The following CLDN10 variants were observed in gnomAD, a reference collection of about 807,000 sequenced individuals.
The protein encoded by CLDN10 is claudin 10.
A neutral mutation model predicts 22.9 loss-of-function variants in CLDN10; 15 were observed. The ratio of observed to expected loss-of-function variants is 0.65; its 90% confidence interval spans 0.44 to 1.01. The LOEUF is 1.01. Ranked by LOEUF, CLDN10 falls within the 50% of genes least tolerant of loss-of-function variation. The pLI, the probability that CLDN10 is intolerant of heterozygous loss-of-function variation, is 0.00. For missense variants in CLDN10, 247 were observed against 287.8 expected (o/e 0.86, Z 1.03); for synonymous variants, 114 against 111.4 (o/e 1.02, Z -0.15).
intron 1 of CLDN10, among the ~76,000 whole-genome samples, chr13:95,543,714 C>T (rs1411020816): frequency 6.6e-6 from 1 of 151,886 alleles, no homozygotes; most frequent in Non-Finnish European, 1.5e-5. Flanking sequence ...TTTCTATTAG[C>T]TCATATTTTC....
chr13:95,537,159 CCT>C (rs2043408933), intron 1 of CLDN10, among the ~76,000 whole-genome samples: 1 of 152,134 alleles, frequency 6.6e-6, no homozygotes, highest in Non-Finnish European at 1.5e-5. Context: ...GAAAAGAAAA[CCT>C]CTCTGTTTAC....
intron 1 of CLDN10, among the ~76,000 whole-genome samples, chr13:95,487,453 C>G (rs1053261641): frequency 6.6e-6 from 1 of 152,198 alleles, no homozygotes; most frequent in African/African-American, 2.4e-5. Flanking sequence ...CTCTGCACTT[C>G]TCTTAGTTTA....
chr13:95,449,387 A>G (rs138624962), intron 1 of CLDN10, among the ~76,000 whole-genome samples: 12,482 of 150,302 alleles, frequency 0.083, 751 homozygotes, highest in South Asian at 0.23. Context: ...GAGTAGCTGG[A>G]ATTACAGGCA....
At chr13:95,557,558 T>C (rs1229693556) in intron 1 of CLDN10, among the ~76,000 whole-genome samples, 1 of 152,172 alleles carries the variant, frequency 6.6e-6, no homozygotes, top group Non-Finnish European at 1.5e-5. Flanking sequence ...TGATCGTCCT[T>C]GTAAATTGCC....
intron 1 of CLDN10, among the ~76,000 whole-genome samples, chr13:95,546,894 C>T (rs2043515040): frequency 6.6e-6 from 1 of 152,144 alleles, no homozygotes; most frequent in Non-Finnish European, 1.5e-5. Context: ...TTGCCCCTTG[C>T]TTTTCTCTTT....
chr13:95,477,892 C>T (rs2042701072), intron 1 of CLDN10, among the ~76,000 whole-genome samples: 1 of 152,126 alleles, frequency 6.6e-6, no homozygotes, highest in Admixed American at 6.6e-5. Flanking sequence ...GTTAGGGAGG[C>T]TTCTTGGAGG....
Position 95,577,933 on chromosome 13 carries a change from T to G in CLDN10, c.606T>G (p.Ser202=). The part of the protein sequence containing the change: ...YTYNGATSVM[S]SRTKYHGGED... Reference sequence around the variant, plus strand: ...ACAACGGGGCCACATCTGTCATGTCTTCTCGGACAAAGTATCATGGTGGAG... The same window carrying G: ...ACAACGGGGCCACATCTGTCATGTCGTCTCGGACAAAGTATCATGGTGGAG... Residue 202 remains serine (S), a synonymous_variant, in exon 5 of 5, where the codon TCT becomes TCG. Transcript: ENST00000299339. The G allele has an allele frequency of 6.2e-7, 1 of 1,613,870 alleles. No homozygotes were observed. The highest frequency in any genetic ancestry group is 8.5e-7 in the Non-Finnish European group (1 of 1,179,764).
Position 95,471,956 on chromosome 13 carries a change from TTTTTTTTTG to T in CLDN10, c.214+37910_214+37918del, listed in dbSNP as rs768653516. Among the ~76,000 whole-genome samples, 241 of 105,766 alleles carry T rather than the reference TTTTTTTTTG, an allele frequency of 2.3e-3. 1 individual carries two copies. Among genetic ancestry groups the T allele is most frequent in the Non-Finnish European group, 2.9e-3 (133 of 46,114 alleles). The allele number at this position is 105,766 out of a possible 152,430, so 69.4% of individuals were successfully genotyped here. On this transcript the variant is annotated intron_variant, in intron 1 of 4. Coordinates refer to the CLDN10 transcript ENST00000376873. Reference sequence around the variant, plus strand: ...ACACTCAGCTATTTTTTTTTTTTTTTTTTTTTTTGGTAGAGATAGAGTCTGCTTTATTGC... The same window carrying T: ...ACACTCAGCTATTTTTTTTTTTTTTTGTAGAGATAGAGTCTGCTTTATTGC...
intron 1 of CLDN10, among the ~76,000 whole-genome samples, chr13:95,434,445 GTC>G (rs56278645): frequency 0.43 from 60,199 of 140,048 alleles, 14,277 homozygotes; most frequent in African/African-American, 0.69. Context: ...CTCTCTCTCT[GTC>G]TCTCTCTCTC....
intron 1 of CLDN10, among the ~76,000 whole-genome samples, chr13:95,439,369 G>A (rs1458414023): frequency 1.4e-5 from 2 of 147,546 alleles, no homozygotes; most frequent in Admixed American, 6.8e-5. Flanking sequence ...TTTTGAGACT[G>A]AGTCTTGTTC....
chr13:95,448,181 G>T (rs1055802814), intron 1 of CLDN10, among the ~76,000 whole-genome samples: 1 of 151,746 alleles, frequency 6.6e-6, no homozygotes, highest in Non-Finnish European at 1.5e-5. Flanking sequence ...CTCTTATCAC[G>T]CAGACACCTC....
At chr13:95,535,750 AG>A (rs1432948866) in intron 1 of CLDN10, among the ~76,000 whole-genome samples, 2 of 152,088 alleles carry the variant, frequency 1.3e-5, no homozygotes, top group African/African-American at 2.4e-5. Flanking sequence ...TGATGTGAAA[AG>A]GGGTAAGTGC....
intron 1 of CLDN10, among the ~76,000 whole-genome samples, chr13:95,472,991 T>C (rs548720296): frequency 6.6e-6 from 1 of 151,882 alleles, no homozygotes; most frequent in Admixed American, 6.6e-5. Context: ...AATTTAAAAA[T>C]TAGTTGGGTG....
rs1188139432 is a variant in CLDN10 at position 95,437,047 on chromosome 13, C to T, written c.214+3000C>T. On this transcript the variant is annotated intron_variant, in intron 1 of 4. Coordinates refer to the CLDN10 transcript ENST00000376873. ...AGCAGAAAATCTGTCTAAGCTGTCT[C>T]GGTTGTATTTTTTTTTTCTTGCTGA... is the stretch of plus-strand genomic sequence containing the variant. 5.9e-5 allele frequency among the ~76,000 whole-genome samples: 9 copies of T among 152,158 alleles called. No individual in the cohort carries two copies. In the South Asian group the frequency reaches 1.7e-3, roughly 28 times the overall value.
intron 1 of CLDN10, among the ~76,000 whole-genome samples, chr13:95,541,449 G>A (rs565995150): frequency 3.9e-5 from 6 of 152,254 alleles, no homozygotes; most frequent in Admixed American, 3.9e-4. Context: ...AGCTGCATAT[G>A]TGTACAATGA....
intron 1 of CLDN10, among the ~76,000 whole-genome samples, chr13:95,438,173 C>T (rs2042290038): frequency 6.6e-6 from 1 of 152,222 alleles, no homozygotes; most frequent in Non-Finnish European, 1.5e-5. Context: ...CCCATCTCAG[C>T]CTCCTGAGTA....
chr13:95,572,480 T>A (rs566653450), intron 3 of CLDN10, among the ~76,000 whole-genome samples: 4 of 152,224 alleles, frequency 2.6e-5, no homozygotes, highest in African/African-American at 7.2e-5. Flanking sequence ...AGGATAGTAA[T>A]ACCTATCTCC....
upstream of CLDN10, among the ~76,000 whole-genome samples, chr13:95,550,819 A>G (rs913949336): frequency 5.3e-5 from 6 of 112,176 alleles, no homozygotes; most frequent in African/African-American, 2.1e-4. Context: ...TTAGGAAGAT[A>G]CTTTTTTTTT....
chr13:95,512,859 G>A (rs2043119208), intron 1 of CLDN10, among the ~76,000 whole-genome samples: 1 of 152,148 alleles, frequency 6.6e-6, no homozygotes, highest in African/African-American at 2.4e-5. Flanking sequence ...CTGGCACACA[G>A]TAAGAGTTTT....
Sources: allele counts gnomAD v4.1 joint callset (sites outside exome capture counted in the v4.1 genomes callset), GRCh38; gene constraint gnomAD v4.1.1; transcripts MANE v1.5; gene names NCBI Gene and HGNC (gene_info 2026-07-23, HGNC 2026-07-21).